The following RDH16 variants were observed in gnomAD, a reference collection of about 807,000 sequenced individuals.
RDH16 encodes the protein retinol dehydrogenase 16.
RDH16 carries 25 observed loss-of-function variants against 22.3 expected under a neutral mutation model. The ratio of observed to expected loss-of-function variants is 1.12; its 90% confidence interval spans 0.82 to 1.56. The LOEUF is 1.56. Among genes scored for constraint, RDH16 ranks in the 40% most tolerant of loss-of-function variants. The pLI is 0.00. For missense variants in RDH16, 413 were observed against 394.9 expected, an observed-to-expected ratio of 1.05 and a Z score of -0.39; for synonymous variants, 154 against 164.4, an observed-to-expected ratio of 0.94 and a Z score of 0.48.
At chr12:56,955,446 G>T (rs1262619432) in intron 1 of RDH16, among the ~76,000 whole-genome samples, 3 of 152,168 alleles carry the variant, frequency 2.0e-5, no homozygotes, top group Admixed American at 2.0e-4. Context: ...ATGAAATCAT[G>T]TTAAAGAACT....
chr12:56,955,165 C>T lies in RDH16; in HGVS notation c.314-1G>A. ...GCATTATTCACCAGGCCCCAGAGTCCTGGGACAGTGGGAAGATGAGAGAGC... is the reference window on the plus strand; with the variant it reads ...GCATTATTCACCAGGCCCCAGAGTCTTGGGACAGTGGGAAGATGAGAGAGC... On this transcript the variant is annotated splice_acceptor_variant, in intron 1 of 3. Transcript: ENST00000398138. LOFTEE classifies it high-confidence loss of function. 2 of 1,613,976 alleles carry T rather than the reference C, an allele frequency of 1.2e-6. No individual in the cohort carries two copies. The highest frequency in any genetic ancestry group is 1.7e-6 in the Non-Finnish European group (2 of 1,179,992).
intron 1 of RDH16, among the ~76,000 whole-genome samples, chr12:56,956,410 A>C (rs7958413): frequency 0.086 from 13,109 of 152,260 alleles, 612 homozygotes; most frequent in Middle Eastern, 0.15. Context: ...TAAGAACAAA[A>C]TATAAAATCC....
At chr12:56,955,882 C>T (rs1955924278) in intron 1 of RDH16, among the ~76,000 whole-genome samples, 2 of 152,194 alleles carry the variant, frequency 1.3e-5, no homozygotes, top group South Asian at 4.1e-4. Context: ...CCTACTGCAT[C>T]AGAAGCCCAC....
In RDH16 at chr12:56,952,086, G is replaced by A; in HGVS notation, c.897C>T (p.Thr299=). 6.2e-7 allele frequency: 1 copy of A among 1,614,176 alleles called. No individual in the cohort carries two copies. The stretch of plus-strand genomic sequence containing the variant: ...AGTACATAATGGCATCCACCAGGAA[G>A]GTGGGCATGTAGCTCATGGGGAGGT... ...LLYLPMSYMP[T]FLVDAIMYWV... The change falls in exon 4 of 4, where the codon ACC becomes ACT. Residue 299 remains threonine (T), a synonymous_variant. Coordinates refer to ENST00000398138, the MANE Select transcript of RDH16 (RefSeq NM_003708.5).
chr12:56,954,384 A>G (rs1323478060), intron 2 of RDH16, among the ~76,000 whole-genome samples: 1 of 152,174 alleles, frequency 6.6e-6, no homozygotes, highest in Non-Finnish European at 1.5e-5. Flanking sequence ...GGACCAACAC[A>G]CACTGCTGTA....
At position 56,951,808 on chromosome 12, in the gene RDH16, G is replaced by T. The variant is rs1955881424; in HGVS notation, c.*221C>A. The T allele has an allele frequency of 1.7e-6, 1 of 576,462 alleles. No individual in the cohort carries two copies. The highest frequency in any genetic ancestry group is 3.1e-6 in the Non-Finnish European group (1 of 322,570). The allele number at this position is 576,462 out of a possible 1,614,324, so 35.7% of individuals were successfully genotyped here. ...GACAATGCACCCAGGAGCACTATTT[G>T]GTCCCTGTTTCTCAGCTGCGTAACT... On this transcript the variant is annotated 3_prime_UTR_variant, in exon 4 of 4. Coordinates refer to ENST00000398138, the MANE Select transcript of RDH16 (RefSeq NM_003708.5).
At position 56,957,438 on chromosome 12, in the gene RDH16, C is replaced by G; in HGVS notation, c.25G>C (p.Val9Leu). ...CAGTGCAGAAGGTAGTACAGGCCCACGAAAACCGCCAGGTAGAGCCACATG... is the reference window on the plus strand; with the variant it reads ...CAGTGCAGAAGGTAGTACAGGCCCAGGAAAACCGCCAGGTAGAGCCACATG... MWLYLAVF[V>L]GLYYLLHWYR... The change falls in exon 1 of 4, where the codon GTG becomes CTG. Residue 9 changes from valine to leucine, a missense_variant. Transcript: ENST00000398138. The G allele has an allele frequency of 6.2e-7, 1 of 1,612,596 alleles. No individual in the cohort carries two copies. The highest frequency in any genetic ancestry group is 2.2e-5 in the East Asian group (1 of 44,838).
intron 1 of RDH16, among the ~76,000 whole-genome samples, chr12:56,955,879 C>T (rs1167643735): frequency 6.6e-6 from 1 of 152,186 alleles, no homozygotes; most frequent in African/African-American, 2.4e-5. Flanking sequence ...CCTCCTACTG[C>T]ATCAGAAGCC....
rs374555767 is a variant in RDH16 at position 56,955,072 on chromosome 12, C to T, written c.406G>A (p.Val136Met). ...ACATCAATCACCCCCAACAAGTTCA[C>T]GTCCAGTATGGTCACGAAGTCCTGC... The part of the protein sequence containing the change: ...TKQDFVTILD[V>M]NLLGVIDVTL... Residue 136 changes from valine (V) to methionine (M), a missense_variant, in exon 2 of 4, where the codon GTG (valine) becomes ATG (methionine). Physicochemically the swap from Val to Met is conservative, Grantham distance 21. Coordinates refer to ENST00000398138, the MANE Select transcript of RDH16 (RefSeq NM_003708.5). The T allele has an allele frequency of 3.8e-5, 62 of 1,614,166 alleles. No homozygotes were observed. The highest frequency in any genetic ancestry group is 5.1e-5 in the Non-Finnish European group (60 of 1,180,038).
At chr12:56,957,009 C>T (rs1592433227) in intron 1 of RDH16, 141 bp downstream of exon 1, 1 of 834,408 alleles carries the variant, frequency 1.2e-6, no homozygotes, top group African/African-American at 1.7e-5. Context: ...TTCAGGCAGC[C>T]TGTTAAGTGA....
intron 2 of RDH16, 54 bp from the exon 3 acceptor site, chr12:56,953,044 C>T (rs4319546): frequency 0.21 from 318,071 of 1,497,836 alleles, 38,478 homozygotes; most frequent in Non-Finnish European, 0.25. Context: ...GAAGGTAAAA[C>T]ACAAACAATA....
chr12:56,957,127 A>T (rs761300103), intron 1 of RDH16, 23 bp downstream of exon 1: 1 of 1,586,392 alleles, frequency 6.3e-7, no homozygotes, highest in Admixed American at 1.7e-5. Context: ...ACACAGACAG[A>T]CTTGACAAAC....
At position 56,957,209 on chromosome 12, in the gene RDH16, G is replaced by A; in HGVS notation, c.254C>T (p.Thr85Ile). 3 of 1,614,142 alleles carry A rather than the reference G, an allele frequency of 1.9e-6. No individual in the cohort carries two copies. The highest frequency in any genetic ancestry group is 2.5e-6 in the Non-Finnish European group (3 of 1,180,034). Residue 85 changes from threonine to isoleucine, a missense_variant, in exon 1 of 4, where the codon ACC (threonine) becomes ATC (isoleucine). By Grantham distance (89) the Thr-to-Ile change is moderately conservative. Coordinates refer to ENST00000398138, the MANE Select transcript of RDH16 (RefSeq NM_003708.5). Reference protein sequence around the residue: ...DRLETVTLDVTKTESVAAAAQ... With the variant: ...DRLETVTLDVIKTESVAAAAQ... Reference sequence around the variant, plus strand: ...GGCTGCAGCAACGCTCTCTGTCTTGGTAACATCCAGGGTCACCGTCTCCAG... The same window carrying A: ...GGCTGCAGCAACGCTCTCTGTCTTGATAACATCCAGGGTCACCGTCTCCAG...
chr12:56,954,392 G>A (rs1331389415), intron 2 of RDH16, among the ~76,000 whole-genome samples: 1 of 152,210 alleles, frequency 6.6e-6, no homozygotes, highest in Non-Finnish European at 1.5e-5. Flanking sequence ...ACACACTGCT[G>A]TAGCTGATCT....
chr12:56,957,137 C>A lies in RDH16; in HGVS notation c.313+13G>T. ...GGAAGACACAGACAGACTTGACAAACCTGGGTGGTTACCTTTGTCTCTCAC... is the reference window on the plus strand; with the variant it reads ...GGAAGACACAGACAGACTTGACAAAACTGGGTGGTTACCTTTGTCTCTCAC... On this transcript the variant is annotated intron_variant, in intron 1 of 3. Transcript: ENST00000398138. 6.3e-7 allele frequency: 1 copy of A among 1,595,596 alleles called. No homozygotes were observed. Among genetic ancestry groups the A allele is most frequent in the South Asian group, 1.1e-5 (1 of 88,276 alleles).
chr12:56,952,215 C>A lies in RDH16; in HGVS notation c.768G>T (p.Lys256Asn). ...TCACCAACGACAGATCCTGTGTGCA[C>A]TTCTGCTCCATTTGTTCAGCTGATT... ...YKKSAEQMEQ[K>N]CTQDLSLVTN... is the part of the protein sequence containing the mutation. The change falls in exon 4 of 4, where the codon AAG becomes AAT. Residue 256 changes from lysine to asparagine, a missense_variant. Lys to Asn is a moderately conservative substitution (Grantham distance 94). Coordinates refer to ENST00000398138, the MANE Select transcript of RDH16 (RefSeq NM_003708.5). 6.2e-7 allele frequency: 1 copy of A among 1,614,130 alleles called. No individual in the cohort carries two copies. The highest frequency in any genetic ancestry group is 8.5e-7 in the Non-Finnish European group (1 of 1,180,018).
chr12:56,957,382 C>T lies in RDH16; in HGVS notation c.81G>A (p.Leu27=), dbSNP rs200407338. Residue 27 remains leucine (L), a synonymous_variant, in exon 1 of 4, where the codon CTG becomes CTA. Coordinates refer to ENST00000398138, the MANE Select transcript of RDH16 (RefSeq NM_003708.5). ...WYRERQVLSH[L]RDKYVFITGC... ...CCGTGATGAACACATACTTATCTCT[C>T]AGGTGGCTCAGCACCTGCCTCTCCC... 54 of 1,614,174 alleles carry T rather than the reference C, an allele frequency of 3.3e-5. No individual in the cohort carries two copies. The African/African-American group carries it at 6.5e-4, about 20-fold the overall frequency.
Position 56,957,240 on chromosome 12 carries a change from C to A in RDH16, c.223G>T (p.Asp75Tyr). The change falls in exon 1 of 4, where the codon GAC becomes TAC. Residue 75 changes from aspartate (D) to tyrosine (Y), a missense_variant. By Grantham distance (160) the Asp-to-Tyr change is radical (BLOSUM62 -3). Transcript: ENST00000398138. ...GAEQLRGQTS[D>Y]RLETVTLDVT... is the part of the protein sequence containing the mutation. Reference sequence around the variant, plus strand: ...TCCAGGGTCACCGTCTCCAGCCTGTCTGAAGTCTGGCCCCTCAGCTGCTCG... The same window carrying A: ...TCCAGGGTCACCGTCTCCAGCCTGTATGAAGTCTGGCCCCTCAGCTGCTCG... The A allele has an allele frequency of 6.2e-7, 1 of 1,614,196 alleles. No individual in the cohort carries two copies. The highest frequency in any genetic ancestry group is 8.5e-7 in the Non-Finnish European group (1 of 1,180,040).
intron 1 of RDH16, 58 bp from the exon 2 acceptor site, chr12:56,955,222 A>T: frequency 2.5e-6 from 4 of 1,595,172 alleles, no homozygotes; most frequent in Non-Finnish European, 3.4e-6. Context: ...AGGTGGACAG[A>T]GTTAGGGTGC....
Sources: gnomAD v4.1 joint callset for allele counts (sites outside exome capture counted in the v4.1 genomes callset) on GRCh38, gnomAD v4.1.1 for gene constraint, MANE v1.5 for transcripts, NCBI Gene and HGNC (gene_info 2026-07-23, HGNC 2026-07-21) for gene names.